The following CFAP61 variants were observed in gnomAD, a reference collection of about 807,000 sequenced individuals.
The protein encoded by CFAP61 is cilia- and flagella-associated protein 61.
In CFAP61, 107 loss-of-function variants were observed where a neutral mutation model predicts 135.6. The observed-to-expected ratio is 0.79, with a 90% CI of 0.67 to 0.93. The LOEUF is 0.93. CFAP61 is among the 40% of genes least tolerant of loss of function. The probability of loss-of-function intolerance (pLI) is 0.00; values close to 1 mark genes in which losing one functional copy is unlikely to be tolerated. For synonymous variants in CFAP61, 575 were observed against 578.5 expected (o/e 0.99, Z 0.09); for missense variants, 1,507 against 1,556.2 (o/e 0.97, Z 0.53).
chr20:20,214,487 G>C (rs974165444), intron 17 of CFAP61: 1 of 152,214 alleles, frequency 6.6e-6, no homozygotes, highest in Non-Finnish European at 1.5e-5. Flanking sequence ...ATGTATTCAG[G>C]GAGGGGCATC....
chr20:20,181,629 G>T (rs1157155860), intron 13 of CFAP61, among the ~76,000 whole-genome samples: 1 of 152,140 alleles, frequency 6.6e-6, no homozygotes, highest in East Asian at 1.9e-4. Flanking sequence ...GCATAAGAGA[G>T]AGGTGACCTG....
At chr20:20,323,607 C>T (rs2057627170) in intron 25 of CFAP61, among the ~76,000 whole-genome samples, 1 of 152,200 alleles carries the variant, frequency 6.6e-6, no homozygotes, top group African/African-American at 2.4e-5. Flanking sequence ...AAGCCAAGGG[C>T]TGCACCTAGA....
chr20:20,173,534 T>C (rs2054383739), intron 13 of CFAP61, among the ~76,000 whole-genome samples: 1 of 152,248 alleles, frequency 6.6e-6, no homozygotes, highest in African/African-American at 2.4e-5. Context: ...CATGTCTTCA[T>C]ATGCTTATTT....
In CFAP61 at chr20:20,360,657, AT is replaced by A. The variant is rs1168852465; in HGVS notation, c.*248del. Reference sequence around the variant, plus strand: ...AATCCCAGGCATGTTCCTGTGCAGAATAATCCATTTCAGCAATAAAATGAGA... The same window carrying A: ...AATCCCAGGCATGTTCCTGTGCAGAAAATCCATTTCAGCAATAAAATGAGA... On this transcript the variant is annotated 3_prime_UTR_variant, in exon 27 of 27. Transcript: ENST00000245957. The A allele has an allele frequency of 1.9e-6, 1 of 520,650 alleles. No homozygotes were observed. The highest frequency in any genetic ancestry group is 3.4e-6 in the Non-Finnish European group (1 of 295,836). The allele number at this position is 520,650 out of a possible 1,614,324, so 32.3% of individuals were successfully genotyped here. A position where few individuals can be genotyped will look rare whatever the true frequency, so the allele number is the denominator to read the frequency against.
chr20:20,074,310 T>C lies in CFAP61; in HGVS notation c.303T>C (p.Asn101=). The change falls in exon 4 of 27, where the codon AAT becomes AAC. Residue 101 remains asparagine, a synonymous_variant. Coordinates refer to ENST00000245957, the MANE Select transcript of CFAP61 (RefSeq NM_015585.4). ...LDSDIPCTPL[N]TLFMHLFVAV... ...TCTCTCTTCTTCTGCAGCCCCTGAA[T>C]ACGTTGTTCATGCACCTCTTTGTGG... is the stretch of plus-strand genomic sequence containing the variant. The C allele has an allele frequency of 6.2e-7, 1 of 1,614,178 alleles. No homozygotes were observed. The highest frequency in any genetic ancestry group is 1.1e-5 in the South Asian group (1 of 91,086).
chr20:20,125,893 C>G (rs1271619003), intron 8 of CFAP61, among the ~76,000 whole-genome samples: 1 of 151,690 alleles, frequency 6.6e-6, no homozygotes, highest in South Asian at 2.1e-4. Context: ...TTTGGGACCT[C>G]CAGTGTTAAG....
rs1327327928 is a variant in CFAP61 at position 20,196,764 on chromosome 20, CAG to C, written c.1789_1790del (p.Glu597ArgfsTer64). On this transcript the variant is annotated frameshift_variant, in exon 16 of 27. Transcript: ENST00000245957. LOFTEE classifies it high-confidence loss of function. ...CLYYRVYPKS[R>X]EGKFQNPYAH... ...TCTACTACCGTGTTTACCCAAAATC[CAG>C]AGAAGGCAAGGTAAGAGAATGGTGC... 1 of 1,613,958 alleles carries C rather than the reference CAG, an allele frequency of 6.2e-7. No homozygotes were observed. Among genetic ancestry groups the C allele is most frequent in the South Asian group, 1.1e-5 (1 of 91,070 alleles).
At chr20:20,185,043 T>C (rs1030614240) in intron 13 of CFAP61, among the ~76,000 whole-genome samples, 1 of 152,208 alleles carries the variant, frequency 6.6e-6, no homozygotes, top group Non-Finnish European at 1.5e-5. Context: ...TCTCAGCCAC[T>C]GTAGAACTTT....
chr20:20,163,220 C>T lies in CFAP61; in HGVS notation c.1027-830C>T, dbSNP rs191041230. On this transcript the variant is annotated intron_variant, in intron 10 of 26. Coordinates refer to ENST00000245957, the MANE Select transcript of CFAP61 (RefSeq NM_015585.4). ...GTATTACTTTGATTTAAAAGAACTC[C>T]ATGAGGGATCTCAAAGGGAATCATC... Among the ~76,000 whole-genome samples, 5 of 152,268 alleles carry T rather than the reference C, an allele frequency of 3.3e-5. No individual in the cohort carries two copies. The East Asian group carries it at 7.7e-4, about 23-fold the overall frequency.
chr20:20,302,349 T>C (rs2056160357), intron 25 of CFAP61, among the ~76,000 whole-genome samples: 1 of 152,234 alleles, frequency 6.6e-6, no homozygotes, highest in African/African-American at 2.4e-5. Context: ...CTTGCCTTAC[T>C]GCACTGGCTA....
rs144331135 is a variant in CFAP61, at chr20:20,317,179, T to G, written c.3422+18793T>G. Among the ~76,000 whole-genome samples the G allele has an allele frequency of 2.4e-3, 359 of 152,142 alleles. 2 individuals are homozygous for G. Among genetic ancestry groups the G allele is most frequent in the Non-Finnish European group, 4.3e-3 (294 of 67,980 alleles). On this transcript the variant is annotated intron_variant, in intron 25 of 26. Transcript: ENST00000245957. ...ATGAGCCACTGTGCCTGGCCTCTTATGCAAGTCTCTTGATTCCTCTAAGCC... is the reference window on the plus strand; with the variant it reads ...ATGAGCCACTGTGCCTGGCCTCTTAGGCAAGTCTCTTGATTCCTCTAAGCC...
intron 25 of CFAP61, among the ~76,000 whole-genome samples, chr20:20,317,302 C>T (rs2057192149): frequency 6.6e-6 from 1 of 152,088 alleles, no homozygotes; most frequent in African/African-American, 2.4e-5. Context: ...AGATCTGAAT[C>T]ACCCCTGGAG....
At chr20:20,335,601 A>C (rs1293829220) in intron 25 of CFAP61, among the ~76,000 whole-genome samples, 4 of 152,214 alleles carry the variant, frequency 2.6e-5, no homozygotes, top group African/African-American at 9.6e-5. Flanking sequence ...GCTGGAGCTC[A>C]GCAGCCATTT....
At chr20:20,255,912 A>T (rs2051508955) in intron 20 of CFAP61, among the ~76,000 whole-genome samples, 1 of 152,204 alleles carries the variant, frequency 6.6e-6, no homozygotes, top group Non-Finnish European at 1.5e-5. Flanking sequence ...TTCTGAGGCC[A>T]AGTCACAGAG....
rs78795550 is a variant in CFAP61 at position 20,196,635 on chromosome 20, C to T, written c.1656C>T (p.Arg552=). The change falls in exon 16 of 27, where the codon CGC becomes CGT. Residue 552 remains arginine, a synonymous_variant. Transcript: ENST00000245957. Reference sequence around the variant, plus strand: ...TCATCTACTTCAGTCACCACCAGCGCGAAGAACACGGGCACATGCATCACT... The same window carrying T: ...TCATCTACTTCAGTCACCACCAGCGTGAAGAACACGGGCACATGCATCACT... ...EDFIYFSHHQ[R]EEHGHMHHFA... 6.1e-5 allele frequency: 99 copies of T among 1,614,122 alleles called. No homozygotes were observed. The African/African-American group carries it at 9.1e-4, about 15-fold the overall frequency.
intron 16 of CFAP61, among the ~76,000 whole-genome samples, chr20:20,199,522 C>T (rs1350916775): frequency 1.3e-5 from 2 of 152,124 alleles, no homozygotes; most frequent in Non-Finnish European, 2.9e-5. Flanking sequence ...AACCAAACCA[C>T]TTGTTTATCT....
intron 25 of CFAP61, among the ~76,000 whole-genome samples, chr20:20,315,909 G>T (rs2057107702): frequency 6.6e-6 from 1 of 152,034 alleles, no homozygotes; most frequent in African/African-American, 2.4e-5. Context: ...CTCTGTTTTG[G>T]TACCAGTACC....
At chr20:20,219,205 T>C (rs1402874954) in intron 17 of CFAP61, among the ~76,000 whole-genome samples, 1 of 152,216 alleles carries the variant, frequency 6.6e-6, no homozygotes, top group Non-Finnish European at 1.5e-5. Flanking sequence ...TCATCAGAGC[T>C]CCTTTCTGTT....
chr20:20,360,090 G>A, intron 26 of CFAP61, 120 bp from the exon 27 acceptor site: 1 of 746,330 alleles, frequency 1.3e-6, no homozygotes, highest in Non-Finnish European at 2.3e-6. Context: ...TCAAAAGCTA[G>A]AAAAAAAATG....
Sources: gnomAD v4.1 joint callset for allele counts (sites outside exome capture counted in the v4.1 genomes callset) on GRCh38, gnomAD v4.1.1 for gene constraint, MANE v1.5 for transcripts, NCBI Gene and HGNC (gene_info 2026-07-23, HGNC 2026-07-21) for gene names.